The following CACNA2D3 variants were observed in gnomAD, a reference collection of about 807,000 sequenced individuals.
CACNA2D3 encodes voltage-dependent calcium channel subunit alpha-2/delta-3.
In CACNA2D3, 60 loss-of-function variants were observed where a neutral mutation model predicts 160.6. The observed-to-expected ratio is 0.37, with a 90% confidence interval of 0.30 to 0.46. The LOEUF (loss-of-function observed/expected upper bound fraction) is 0.46. Among genes scored for constraint, CACNA2D3 ranks in the 20% least tolerant of loss-of-function variants. The pLI, the probability that CACNA2D3 is intolerant of heterozygous loss-of-function variation, is 1.00. For synonymous variants in CACNA2D3, 558 were observed against 492.9 expected, an observed-to-expected ratio of 1.13 and a Z score of -1.75; for missense variants, 1,205 against 1,365.0, an observed-to-expected ratio of 0.88 and a Z score of 1.85.
chr3:54,714,611 C>T (rs1265344425), intron 11 of CACNA2D3, among the ~76,000 whole-genome samples: 2 of 152,206 alleles, frequency 1.3e-5, no homozygotes, highest in African/African-American at 4.8e-5. Context: ...ACTCTTCCAA[C>T]TTGTTTCGTA....
At position 54,229,637 on chromosome 3, in the gene CACNA2D3, A is replaced by G. The variant is rs191397999; in HGVS notation, c.205-90805A>G. Reference sequence around the variant, plus strand: ...GGCATGAATCACCATGCCCGGCCTAAAGTTTCTGATAAGTTAAGAAACCTT... The same window carrying G: ...GGCATGAATCACCATGCCCGGCCTAGAGTTTCTGATAAGTTAAGAAACCTT... On this transcript the variant is annotated intron_variant, in intron 2 of 37. Transcript: ENST00000474759. Among the ~76,000 whole-genome samples the G allele has an allele frequency of 9.0e-3, 1,369 of 152,214 alleles. 18 individuals carry two copies. The highest frequency in any genetic ancestry group is 0.012 in the Non-Finnish European group (823 of 68,016).
At chr3:54,619,460 GAA>G (rs1230184519) in intron 9 of CACNA2D3, among the ~76,000 whole-genome samples, 1 of 152,194 alleles carries the variant, frequency 6.6e-6, no homozygotes, top group Non-Finnish European at 1.5e-5. Context: ...CTACCTGGAT[GAA>G]ATAATGTTCA....
intron 2 of CACNA2D3, among the ~76,000 whole-genome samples, chr3:54,125,203 G>C (rs1257221066): frequency 1.3e-5 from 2 of 150,214 alleles, no homozygotes; most frequent in Non-Finnish European, 3.0e-5. Context: ...ACATTTTCTA[G>C]GAACACATTA....
At chr3:54,181,968 A>G (rs1380455813) in intron 2 of CACNA2D3, among the ~76,000 whole-genome samples, 1 of 152,160 alleles carries the variant, frequency 6.6e-6, no homozygotes, top group Non-Finnish European at 1.5e-5. Flanking sequence ...AAATACCTCA[A>G]TTTGGAAGCT....
intron 4 of CACNA2D3, among the ~76,000 whole-genome samples, chr3:54,419,674 T>A (rs1699808457): frequency 6.6e-6 from 1 of 152,236 alleles, no homozygotes; most frequent in Admixed American, 6.5e-5. Flanking sequence ...GAGAAAATGC[T>A]GTCCCACTGA....
intron 6 of CACNA2D3, among the ~76,000 whole-genome samples, chr3:54,565,355 C>T (rs1425087183): frequency 1.3e-5 from 2 of 152,112 alleles, no homozygotes; most frequent in East Asian, 3.9e-4. Flanking sequence ...AACTCCAACT[C>T]CTGGCGTGAG....
rs1445403610 is a variant in CACNA2D3, at chr3:54,525,510, C to T, written c.544+21856C>T. 2.0e-5 allele frequency among the ~76,000 whole-genome samples: 3 copies of T among 152,134 alleles called. No homozygotes were observed. In the South Asian group the frequency reaches 6.2e-4, roughly 32 times the overall value. ...TAGCATTTCCTGTAAGCCAGGTCTG[C>T]TAGCACTAAATTCTCTCAGTTTTTC... On this transcript the variant is annotated intron_variant, in intron 5 of 37. Transcript: ENST00000474759.
chr3:54,326,362 A>G (rs1006373034), intron 3 of CACNA2D3, among the ~76,000 whole-genome samples: 1 of 152,186 alleles, frequency 6.6e-6, no homozygotes, highest in Non-Finnish European at 1.5e-5. Context: ...CTACATATGT[A>G]TGACTATAAC....
intron 12 of CACNA2D3, among the ~76,000 whole-genome samples, 158 bp downstream of exon 12, chr3:54,752,835 A>C (rs1187435444): frequency 1.1e-5 from 1 of 89,004 alleles, no homozygotes; most frequent in East Asian, 2.8e-4. Flanking sequence ...CTTCCAAATT[A>C]TGTTTTTTTT....
intron 2 of CACNA2D3, among the ~76,000 whole-genome samples, chr3:54,305,666 A>G (rs1703582014): frequency 6.6e-6 from 1 of 152,230 alleles, no homozygotes; most frequent in Non-Finnish European, 1.5e-5. Context: ...TCACACACTG[A>G]AGGACTTTTT....
chr3:54,347,479 T>G (rs988471052), intron 3 of CACNA2D3, among the ~76,000 whole-genome samples: 3 of 152,220 alleles, frequency 2.0e-5, no homozygotes, highest in African/African-American at 7.2e-5. Flanking sequence ...CAACTTAAGA[T>G]GATGCCTCAG....
At chr3:54,808,511 C>A (rs1013966434) in intron 13 of CACNA2D3, among the ~76,000 whole-genome samples, 30 of 152,070 alleles carry the variant, frequency 2.0e-4, no homozygotes, top group African/African-American at 6.8e-4. Flanking sequence ...CTCGATTAGA[C>A]TAGATTAGGT....
chr3:54,583,880 C>T (rs1009178085), intron 9 of CACNA2D3, among the ~76,000 whole-genome samples: 5 of 151,660 alleles, frequency 3.3e-5, no homozygotes, highest in African/African-American at 4.9e-5. Flanking sequence ...AGAATCTCAC[C>T]TGGACCAACA....
chr3:54,938,677 G>A (rs1353218640), intron 27 of CACNA2D3, among the ~76,000 whole-genome samples: 1 of 148,842 alleles, frequency 6.7e-6, no homozygotes, highest in Non-Finnish European at 1.5e-5. Context: ...CTTGTCCTGT[G>A]ACCATGGTAA....
chr3:54,918,958 C>A, intron 27 of CACNA2D3: 1 of 1,340,136 alleles, frequency 7.5e-7, no homozygotes, highest in Non-Finnish European at 9.8e-7. Context: ...AAATCCTCTG[C>A]CTGCAAAAAC....
intron 2 of CACNA2D3, among the ~76,000 whole-genome samples, chr3:54,267,637 C>T (rs1461072254): frequency 6.6e-6 from 1 of 152,186 alleles, no homozygotes; most frequent in East Asian, 1.9e-4. Flanking sequence ...TTTCATACTG[C>T]AGGCTGATGT....
intron 14 of CACNA2D3, among the ~76,000 whole-genome samples, chr3:54,823,929 G>C (rs1210898036): frequency 6.6e-6 from 1 of 152,088 alleles, no homozygotes; most frequent in Non-Finnish European, 1.5e-5. Flanking sequence ...GATTATATTT[G>C]TAGTAATGAA....
At chr3:54,186,280 A>T (rs1225084933) in intron 2 of CACNA2D3, among the ~76,000 whole-genome samples, 1 of 152,236 alleles carries the variant, frequency 6.6e-6, no homozygotes, top group East Asian at 1.9e-4. Context: ...TAGTAAGTAT[A>T]GCAGGAGGAA....
chr3:54,235,014 AAGTT>A (rs1393939055), intron 2 of CACNA2D3, among the ~76,000 whole-genome samples: 1 of 152,088 alleles, frequency 6.6e-6, no homozygotes, highest in Non-Finnish European at 1.5e-5. Context: ...CCTAAAATAA[AAGTT>A]AAAAAAAATT....
Sources: allele counts gnomAD v4.1 joint callset (sites outside exome capture counted in the v4.1 genomes callset), GRCh38; gene constraint gnomAD v4.1.1; transcripts MANE v1.5; gene names NCBI Gene and HGNC (gene_info 2026-07-23, HGNC 2026-07-21).